PCCA: variants seen among roughly 807,000 people sequenced by gnomAD.
The protein encoded by PCCA is propionyl-CoA carboxylase alpha chain, mitochondrial.
PCCA carries 74 observed loss-of-function variants against 101.3 expected under a neutral mutation model. The observed-to-expected ratio is 0.73, with a 90% CI of 0.61 to 0.89. PCCA has a LOEUF of 0.89. Among genes scored for constraint, PCCA ranks in the 40% least tolerant of loss-of-function variants. PCCA has a pLI of 0.00. For synonymous variants in PCCA, 294 were observed against 313.6 expected (o/e 0.94, Z 0.66); for missense variants, 891 against 907.0 (o/e 0.98, Z 0.23).
chr13:100,340,360 A>G, intron 18 of PCCA, 101 bp downstream of exon 18: 1 of 743,550 alleles, frequency 1.3e-6, no homozygotes. Flanking sequence ...TCTCAGTTCT[A>G]GAGATCTTAT....
At chr13:100,435,072 C>G (rs1047237968) in intron 20 of PCCA, among the ~76,000 whole-genome samples, 1 of 152,180 alleles carries the variant, frequency 6.6e-6, no homozygotes, top group African/African-American at 2.4e-5. Context: ...GTGCGTTCAT[C>G]TGTTCTTATA....
chr13:100,451,183 C>A (rs569083737), intron 21 of PCCA, among the ~76,000 whole-genome samples: 20 of 151,566 alleles, frequency 1.3e-4, no homozygotes, highest in African/African-American at 4.9e-4. Context: ...GGGTGATCTG[C>A]TAAACTCTAA....
intron 18 of PCCA, among the ~76,000 whole-genome samples, chr13:100,348,771 T>TTCCTTCCTTC (rs1566976199): frequency 6.5e-5 from 6 of 92,020 alleles, no homozygotes; most frequent in Non-Finnish European, 1.1e-4. Context: ...TTTCTTTCTT[T>TTCCTTCCTTC]CTTTCTTTCT....
chr13:100,305,274 T>G lies in PCCA; in HGVS notation c.1285-1918T>G, dbSNP rs138807025. The stretch of plus-strand genomic sequence containing the variant: ...TAAGATGACATAACTTCTGTGATCA[T>G]AATATTAGTAAATAACAAAGACAGT... On this transcript the variant is annotated intron_variant, in intron 14 of 23. Transcript: ENST00000376285. 2.2e-3 allele frequency among the ~76,000 whole-genome samples: 339 copies of G among 152,312 alleles called. 1 individual carries two copies. Among genetic ancestry groups the G allele is most frequent in the Non-Finnish European group, 4.0e-3 (274 of 68,008 alleles).
rs549239467 is a variant in PCCA, at chr13:100,317,623, G to C, written c.1429+7715G>C. ...TTGTTTTGAGACAGGGTCTCACTCTGTCACTTAGGCTGGAGTGCAGTGATG... is the reference window on the plus strand; with the variant it reads ...TTGTTTTGAGACAGGGTCTCACTCTCTCACTTAGGCTGGAGTGCAGTGATG... On this transcript the variant is annotated intron_variant, in intron 16 of 23. Transcript: ENST00000376285. Among the ~76,000 whole-genome samples the C allele has an allele frequency of 7.9e-5, 12 of 152,138 alleles. No homozygotes were observed. The South Asian group carries it at 2.5e-3, about 32-fold the overall frequency.
chr13:100,348,767 TCTTTCTTTCTTTCTTTCTTTCTTCCTTC>T (rs1452766978), intron 18 of PCCA, among the ~76,000 whole-genome samples: 13 of 87,950 alleles, frequency 1.5e-4, no homozygotes, highest in African/African-American at 2.4e-4. Context: ...TTTCTTTCTT[TCTTTCTTTCTTTCTTTCTTTCTTCCTTC>T]CTTCCTTCCT....
intron 21 of PCCA, among the ~76,000 whole-genome samples, chr13:100,484,751 TAACTC>T (rs1336511221): frequency 5.3e-5 from 8 of 152,152 alleles, no homozygotes; most frequent in East Asian, 1.9e-4. Context: ...CTATAAATCT[TAACTC>T]AACAGCATTT....
chr13:100,264,549 C>CT lies in PCCA; in HGVS notation c.819+1719dup, dbSNP rs565597614. Among the ~76,000 whole-genome samples, 6 of 152,136 alleles carry CT rather than the reference C, an allele frequency of 3.9e-5. No homozygotes were observed. In the South Asian group the frequency reaches 1.2e-3, roughly 31 times the overall value. On this transcript the variant is annotated intron_variant, in intron 10 of 23. Transcript: ENST00000376285. Reference sequence around the variant, plus strand: ...ATCATCATATCTTTGAGATTCTTCCCTGAGGCTCTGTTGTCCTTTGCTTCT... The same window carrying CT: ...ATCATCATATCTTTGAGATTCTTCCCTTGAGGCTCTGTTGTCCTTTGCTTCT...
At chr13:100,436,676 T>C (rs2079961635) in intron 20 of PCCA, among the ~76,000 whole-genome samples, 1 of 152,232 alleles carries the variant, frequency 6.6e-6, no homozygotes, top group Non-Finnish European at 1.5e-5. Context: ...CTCTTTTAAT[T>C]GATCTAAATC....
intron 7 of PCCA, among the ~76,000 whole-genome samples, chr13:100,220,561 G>A (rs1484163924): frequency 2.0e-5 from 3 of 151,530 alleles, no homozygotes; most frequent in Non-Finnish European, 4.4e-5. Context: ...ATGTGCCACC[G>A]CGCCCCGTCA....
At position 100,526,728 on chromosome 13, in the gene PCCA, C is replaced by T. The variant is rs528524065; in HGVS notation, c.2041-947C>T. ...AAAGAAAAACCTGGCCGGCTCAGGA[C>T]GCTGACCCATCGGGGCAGAGCGAAG... On this transcript the variant is annotated intron_variant, in intron 22 of 23. Transcript: ENST00000376285. Among the ~76,000 whole-genome samples, 13 of 152,374 alleles carry T rather than the reference C, an allele frequency of 8.5e-5. 1 individual carries two copies. Among genetic ancestry groups the T allele is most frequent in the Admixed American group, 3.3e-4 (5 of 15,298 alleles).
intron 18 of PCCA, among the ~76,000 whole-genome samples, chr13:100,357,294 G>T (rs528963414): frequency 2.6e-4 from 39 of 152,256 alleles, no homozygotes; most frequent in African/African-American, 7.2e-4. Context: ...TCAAATTTTA[G>T]GAATTAAATG....
Position 100,362,109 on chromosome 13 carries a change from A to G in PCCA, c.1644-6363A>G, listed in dbSNP as rs527418342. 7.0e-4 allele frequency among the ~76,000 whole-genome samples: 107 copies of G among 152,284 alleles called. 1 individual carries two copies. Among genetic ancestry groups the G allele is most frequent in the Admixed American group, 6.5e-4 (10 of 15,298 alleles). On this transcript the variant is annotated intron_variant, in intron 18 of 23. Transcript: ENST00000376285. ...CAACAACATGGATGGATGCACCTCA[A>G]AAACATTATATTGGTCAAAAAAGCC...
intron 4 of PCCA, among the ~76,000 whole-genome samples, chr13:100,115,040 A>G (rs777742672): frequency 6.6e-6 from 1 of 152,226 alleles, no homozygotes. Context: ...GTATCCATCA[A>G]CAGATGAATG....
chr13:100,321,446 A>C (rs1370880483), intron 16 of PCCA, among the ~76,000 whole-genome samples: 1 of 152,102 alleles, frequency 6.6e-6, no homozygotes, highest in Admixed American at 6.6e-5. Context: ...TAGAAATTTC[A>C]TCTGCCTTCT....
At chr13:100,511,535 G>A (rs531267164) in intron 21 of PCCA, among the ~76,000 whole-genome samples, 2 of 152,358 alleles carry the variant, frequency 1.3e-5, no homozygotes, top group South Asian at 2.1e-4. Context: ...GTCAAAGATA[G>A]CACCTGCCCT....
chr13:100,310,020 C>A, intron 16 of PCCA, 112 bp downstream of exon 16: 1 of 786,722 alleles, frequency 1.3e-6, no homozygotes, highest in Non-Finnish European at 2.2e-6. Context: ...TCACTATGTG[C>A]TTAAAGAGAA....
chr13:100,147,764 TTAGG>T (rs1468754502), intron 4 of PCCA, among the ~76,000 whole-genome samples: 1 of 152,186 alleles, frequency 6.6e-6, no homozygotes, highest in African/African-American at 2.4e-5. Context: ...ATAGTTTTTC[TTAGG>T]TAGTATTATT....
chr13:100,202,334 A>G (rs1455066612), intron 6 of PCCA, among the ~76,000 whole-genome samples: 1 of 152,160 alleles, frequency 6.6e-6, no homozygotes, highest in Non-Finnish European at 1.5e-5. Context: ...ACCCTGTTCC[A>G]CGAAAAGAAC....
Sources: gnomAD v4.1 joint callset for allele counts (sites outside exome capture counted in the v4.1 genomes callset) on GRCh38, gnomAD v4.1.1 for gene constraint, MANE v1.5 for transcripts, NCBI Gene and HGNC (gene_info 2026-07-23, HGNC 2026-07-21) for gene names.